Variants in SPINT2 observed in about 807,000 individuals in gnomAD.
The protein encoded by SPINT2 is kunitz-type protease inhibitor 2.
SPINT2 carries 18 observed loss-of-function variants against 30.1 expected under a neutral mutation model. The observed-to-expected ratio is 0.60, with a 90% CI of 0.41 to 0.89. SPINT2 has a LOEUF of 0.89. Among genes scored for constraint, SPINT2 ranks in the 40% least tolerant of loss-of-function variants. SPINT2 has a pLI of 0.00. For missense variants in SPINT2, 276 were observed against 334.3 expected (o/e 0.83, Z 1.36); for synonymous variants, 139 against 137.9 (o/e 1.01, Z -0.05).
At chr19:38,268,387 A>G (rs957700193) in intron 1 of SPINT2, among the ~76,000 whole-genome samples, 8 of 152,234 alleles carry the variant, frequency 5.3e-5, no homozygotes, top group Admixed American at 4.6e-4. Context: ...GTCCACTCCC[A>G]GGAAGCTTCA....
chr19:38,266,090 G>A (rs1968374992), intron 1 of SPINT2, among the ~76,000 whole-genome samples: 1 of 152,220 alleles, frequency 6.6e-6, no homozygotes, highest in Non-Finnish European at 1.5e-5. Flanking sequence ...TAGCCACACG[G>A]AGACCTGGGG....
chr19:38,282,274 A>G (rs988594631), intron 1 of SPINT2, among the ~76,000 whole-genome samples: 4 of 152,244 alleles, frequency 2.6e-5, no homozygotes, highest in African/African-American at 9.6e-5. Flanking sequence ...CGAGGAGTCA[A>G]TGACAACATC....
At chr19:38,269,818 C>G (rs1421882554) in intron 1 of SPINT2, among the ~76,000 whole-genome samples, 1 of 152,116 alleles carries the variant, frequency 6.6e-6, no homozygotes, top group Admixed American at 6.5e-5. Flanking sequence ...ACCGTGTTAG[C>G]CAGGATGGTC....
At chr19:38,265,117 C>T in intron 1 of SPINT2, 119 bp downstream of exon 1, 1 of 873,152 alleles carries the variant, frequency 1.1e-6, no homozygotes, top group Non-Finnish European at 1.7e-6. Flanking sequence ...TGATGGCGTT[C>T]AGCGGGTGTG....
At chr19:38,283,535 G>T in intron 1 of SPINT2, 92 bp from the exon 2 acceptor site, 1 of 1,536,992 alleles carries the variant, frequency 6.5e-7, no homozygotes, top group Non-Finnish European at 9.0e-7. Context: ...CAAGGCTCTG[G>T]TTCTCCTGGG....
rs913939607 is a variant in SPINT2, at chr19:38,286,393, G to A, written c.278-1483G>A. On this transcript the variant is annotated intron_variant, in intron 2 of 6. Transcript: ENST00000301244. ...CGGGGAGCTGGTTTGCAAGGTGACC[G>A]TTTAATAGCATCAGGCTAGGCCAGG... 3.9e-5 allele frequency among the ~76,000 whole-genome samples: 6 copies of A among 152,220 alleles called. 1 individual carries two copies. The highest frequency in any genetic ancestry group is 8.8e-5 in the Non-Finnish European group (6 of 68,048).
intron 1 of SPINT2, among the ~76,000 whole-genome samples, chr19:38,268,766 C>CGTGTGTGTGTGTGTGTGTGT (rs10526704): frequency 1.9e-4 from 29 of 149,920 alleles, no homozygotes; most frequent in African/African-American, 5.9e-4. Flanking sequence ...TGCGCGCGCG[C>CGTGTGTGTGTGTGTGTGTGT]GTGTGTGTGT....
intron 1 of SPINT2, among the ~76,000 whole-genome samples, chr19:38,275,539 G>A (rs1298196602): frequency 6.6e-6 from 1 of 151,988 alleles, no homozygotes; most frequent in African/African-American, 2.4e-5. Context: ...TAGCCAGGGT[G>A]GTCTTGAAAT....
At chr19:38,284,145 C>CT (rs1255079068) in intron 2 of SPINT2, among the ~76,000 whole-genome samples, 6 of 150,276 alleles carry the variant, frequency 4.0e-5, no homozygotes, top group Middle Eastern at 3.4e-3. Context: ...CCAGCCCCTG[C>CT]TTTTTTTTTA....
rs1170755805 is a variant in SPINT2 at position 38,264,616 on chromosome 19, G to C, written c.-277G>C. The C allele has an allele frequency of 2.3e-6, 1 of 441,714 alleles. No individual in the cohort carries two copies. The highest frequency in any genetic ancestry group is 4.1e-6 in the Non-Finnish European group (1 of 243,254). 27.4% of individuals were successfully genotyped at this position (441,714 alleles called of 1,614,324 possible). On this transcript the variant is annotated 5_prime_UTR_variant, in exon 1 of 7. Transcript: ENST00000301244. Reference sequence around the variant, plus strand: ...CTCCGCGCGTTGGGAGGTGTAGCGCGGCTCTGAACGCGCTGAGGGCCGTTG... The same window carrying C: ...CTCCGCGCGTTGGGAGGTGTAGCGCCGCTCTGAACGCGCTGAGGGCCGTTG...
chr19:38,288,840 TC>T, intron 3 of SPINT2: 1 of 374,886 alleles, frequency 2.7e-6, no homozygotes, highest in Non-Finnish European at 5.1e-6. Context: ...CATGTCCCCC[TC>T]ACTGTATTAG....
intron 3 of SPINT2, 120 bp downstream of exon 3, chr19:38,288,055 G>C: frequency 8.3e-7 from 1 of 1,199,436 alleles, no homozygotes; most frequent in Non-Finnish European, 1.2e-6. Flanking sequence ...ACTCAAAATT[G>C]GCAAACCGGG....
rs766864637 is a variant in SPINT2, at chr19:38,290,609, C to T, written c.592+34C>T. On this transcript the variant is annotated intron_variant, in intron 6 of 6. Coordinates refer to ENST00000301244, the MANE Select transcript of SPINT2 (RefSeq NM_021102.4). The surrounding 1 kb of genome is among the most constrained non-coding windows in gnomAD (Gnocchi z 4.3). The stretch of plus-strand genomic sequence containing the variant: ...CCCCTTACCCTCCTCCTGCCATCAG[C>T]CTGCCTCCTCCCTTCCTTGACTGAG... 3 of 1,610,234 alleles carry T rather than the reference C, an allele frequency of 1.9e-6. No homozygotes were observed. Among genetic ancestry groups the T allele is most frequent in the Non-Finnish European group, 2.5e-6 (3 of 1,178,438 alleles).
Position 38,283,658 on chromosome 19 carries a change from A to T in SPINT2, c.138A>T (p.Arg46Ser), listed in dbSNP as rs749694267. 8.1e-6 allele frequency: 13 copies of T among 1,613,914 alleles called. No homozygotes were observed. Among genetic ancestry groups the T allele is most frequent in the African/African-American group, 2.7e-5 (2 of 74,876 alleles). Residue 46 changes from arginine to serine, a missense_variant, in exon 2 of 7, where the codon AGA (arginine) becomes AGT (serine). By Grantham distance (110) the Arg-to-Ser change is moderately radical. Coordinates refer to ENST00000301244, the MANE Select transcript of SPINT2 (RefSeq NM_021102.4). ...DFCLVSKVVGRCRASMPRWWY... is the reference protein window; with the variant it reads ...DFCLVSKVVGSCRASMPRWWY... Reference sequence around the variant, plus strand: ...GCCTGGTGTCGAAGGTGGTGGGCAGATGCCGGGCCTCCATGCCTAGGTGGT... The same window carrying T: ...GCCTGGTGTCGAAGGTGGTGGGCAGTTGCCGGGCCTCCATGCCTAGGTGGT...
chr19:38,283,594 G>A (rs1968605371), intron 1 of SPINT2, 33 bp from the exon 2 acceptor site: 1 of 1,613,292 alleles, frequency 6.2e-7, no homozygotes, highest in African/African-American at 1.3e-5. Flanking sequence ...GGATTGCCCT[G>A]CCAAGCTAAC....
rs1227489904 is a variant in SPINT2, at chr19:38,264,962, G to C, written c.70G>C (p.Gly24Arg). The C allele has an allele frequency of 2.0e-6, 3 of 1,536,564 alleles. No individual in the cohort carries two copies. The South Asian group carries it at 3.6e-5, about 18-fold the overall frequency. ...CCTGCTGGGATCGCTGCTCCTCTCTGGGGTCCTGGCGGCCGACCGAGAACG... is the reference window on the plus strand; with the variant it reads ...CCTGCTGGGATCGCTGCTCCTCTCTCGGGTCCTGGCGGCCGACCGAGAACG... ...LALLGSLLLSGVLAADRERSI... is the reference protein window; with the variant it reads ...LALLGSLLLSRVLAADRERSI... The change falls in exon 1 of 7, where the codon GGG (glycine) becomes CGG (arginine). Residue 24 changes from glycine to arginine, a missense_variant. Gly to Arg is a moderately radical substitution (Grantham distance 125, BLOSUM62 -2). Transcript: ENST00000301244.
chr19:38,290,950 G>A lies in SPINT2; in HGVS notation c.592+375G>A, dbSNP rs2068899061. 1.3e-5 allele frequency: 5 copies of A among 376,678 alleles called. No homozygotes were observed. The highest frequency in any genetic ancestry group is 8.3e-5 in the African/African-American group (4 of 47,948). The allele number at this position is 376,678 out of a possible 1,614,324, so 23.3% of individuals were successfully genotyped here. On this transcript the variant is annotated intron_variant, in intron 6 of 6. Transcript: ENST00000301244. This position sits in a 1 kb window ranked among gnomAD's most constrained non-coding sequence, Gnocchi z 4.3. The stretch of plus-strand genomic sequence containing the variant: ...ACAGGACGGAGGACCACGGGCCAGG[G>A]TGTTTCCCAACACAGTCTGGTCTGA...
Position 38,264,987 on chromosome 19 carries a change from G to T in SPINT2, c.95G>T (p.Arg32Leu). The T allele has an allele frequency of 6.5e-7, 1 of 1,532,880 alleles. No individual in the cohort carries two copies. 95.0% of individuals were successfully genotyped at this position (1,532,880 alleles called of 1,614,324 possible). Residue 32 changes from arginine to leucine, a missense_variant, in exon 1 of 7, where the codon CGC becomes CTC. By Grantham distance (102) the Arg-to-Leu change is moderately radical (BLOSUM62 -2). Coordinates refer to ENST00000301244, the MANE Select transcript of SPINT2 (RefSeq NM_021102.4). ...LSGVLAADRE[R>L]SIHDFCLVSK... ...GGGGTCCTGGCGGCCGACCGAGAAC[G>T]CAGCATCCACGGTGAGGGCCGGGCG...
At chr19:38,282,858 AG>A (rs1382667483) in intron 1 of SPINT2, among the ~76,000 whole-genome samples, 2 of 152,216 alleles carry the variant, frequency 1.3e-5, no homozygotes, top group Non-Finnish European at 2.9e-5. Flanking sequence ...GATCAGGAAA[AG>A]CACGTGTGAG....
Sources: gnomAD v4.1 joint callset for allele counts (sites outside exome capture counted in the v4.1 genomes callset) on GRCh38, gnomAD v4.1.1 for gene constraint, Gnocchi (gnomAD v3.1) non-coding constraint, MANE v1.5 for transcripts, NCBI Gene and HGNC (gene_info 2026-07-23, HGNC 2026-07-21) for gene names.